The following NOTCH1 variants were observed in gnomAD, a reference collection of about 807,000 sequenced individuals.
NOTCH1 encodes the protein neurogenic locus notch homolog protein 1.
A neutral mutation model predicts 254.8 loss-of-function variants in NOTCH1; 37 were observed. The ratio of observed to expected loss-of-function variants is 0.15; its 90% CI spans 0.11 to 0.19. NOTCH1 has a LOEUF of 0.19. Ranked by LOEUF, NOTCH1 falls within the 10% of genes least tolerant of loss-of-function variation. The pLI, the probability that NOTCH1 is intolerant of heterozygous loss-of-function variation, is 1.00. For missense variants in NOTCH1, 2,972 were observed against 3,708.6 expected, an observed-to-expected ratio of 0.80 and a Z score of 5.16; for synonymous variants, 1,731 against 1,618.1, an observed-to-expected ratio of 1.07 and a Z score of -1.68.
At chr9:136,533,280 C>CAGG (rs1843589939) in intron 2 of NOTCH1, among the ~76,000 whole-genome samples, 1 of 45,900 alleles carries the variant, frequency 2.2e-5, no homozygotes, top group African/African-American at 1.2e-4. Context: ...CTGGCCCAGC[C>CAGG]CCCTCCGCGC....
At chr9:136,528,385 G>A (rs1345403267) in intron 2 of NOTCH1, among the ~76,000 whole-genome samples, 6 of 133,802 alleles carry the variant, frequency 4.5e-5, no homozygotes, top group Admixed American at 1.4e-4. Context: ...AGGATGGGCA[G>A]GGACAGTGGG....
rs575768444 is a variant in NOTCH1, at chr9:136,527,769, G to A, written c.141-3790C>T. On this transcript the variant is annotated intron_variant, in intron 2 of 33. Transcript: ENST00000651671. ...CATCCCCCACGCTCAGTGGCCTGGCGGCGCTGGGGTAACCTGTCCTATCTG... is the reference window on the plus strand; with the variant it reads ...CATCCCCCACGCTCAGTGGCCTGGCAGCGCTGGGGTAACCTGTCCTATCTG... 1.4e-4 allele frequency among the ~76,000 whole-genome samples: 21 copies of A among 152,328 alleles called. 1 individual carries two copies. In the South Asian group the frequency reaches 4.1e-3, roughly 30 times the overall value.
chr9:136,500,680 C>T lies in NOTCH1; in HGVS notation c.5806G>A (p.Ala1936Thr), dbSNP rs997320046. The stretch of plus-strand genomic sequence containing the variant: ...GCGGCATCAGAGCGTGAGTAGCGGG[C>T]GGCCAGGTGCAAGGCGGTCTCGCCC... ...RTGETALHLA[A>T]RYSRSDAAKR... Residue 1936 changes from alanine to threonine, a missense_variant, in exon 31 of 34, where the codon GCC becomes ACC. Ala to Thr is a moderately conservative substitution (Grantham distance 58, BLOSUM62 0). Coordinates refer to ENST00000651671, the MANE Select transcript of NOTCH1 (RefSeq NM_017617.5). 2.5e-6 allele frequency: 4 copies of T among 1,611,268 alleles called. No individual in the cohort carries two copies. Among genetic ancestry groups the T allele is most frequent in the East Asian group, 2.2e-5 (1 of 44,884 alleles).
chr9:136,539,682 G>A (rs1027308128), intron 2 of NOTCH1, among the ~76,000 whole-genome samples: 19 of 152,184 alleles, frequency 1.2e-4, no homozygotes, highest in Admixed American at 3.3e-4. Flanking sequence ...TAACCCTGGC[G>A]CCCTTGAAGA....
Position 136,496,745 on chromosome 9 carries a change from G to T in NOTCH1, c.6994C>A (p.Pro2332Thr). The change falls in exon 34 of 34, where the codon CCA becomes ACA. Residue 2332 changes from proline to threonine, a missense_variant. This residue lies in a region of NOTCH1 where 529 missense variants were observed against 529.2 expected (regional missense o/e 1.00). Coordinates refer to ENST00000651671, the MANE Select transcript of NOTCH1 (RefSeq NM_017617.5). ...QYNPLRGSVA[P>T]GPLSTQAPSL... ...GGGGCCTGTGTGCTCAGGGGGCCTG[G>T]TGCCACACTCCCCCGCAGAGGGTTG... 6.2e-7 allele frequency: 1 copy of T among 1,612,816 alleles called. No individual in the cohort carries two copies.
chr9:136,506,409 G>T lies in NOTCH1; in HGVS notation c.4014+118C>A. ...AAAAAAAAAAAAAAGACATCAGGGT[G>T]AGGAGGAGGATGAAGGCCGGGAGGA... is the stretch of plus-strand genomic sequence containing the variant. On this transcript the variant is annotated intron_variant, in intron 24 of 33. Transcript: ENST00000651671. The surrounding 1 kb of genome is among the most constrained non-coding windows in gnomAD (Gnocchi z 4.5). 2 of 737,066 alleles carry T rather than the reference G, an allele frequency of 2.7e-6. No homozygotes were observed. The highest frequency in any genetic ancestry group is 4.5e-6 in the Non-Finnish European group (2 of 443,498). 45.7% of individuals were successfully genotyped at this position (737,066 alleles called of 1,614,324 possible).
At chr9:136,538,969 C>T (rs1843694282) in intron 2 of NOTCH1, among the ~76,000 whole-genome samples, 2 of 152,218 alleles carry the variant, frequency 1.3e-5, no homozygotes, top group East Asian at 1.9e-4. Context: ...TCCCTCGGCC[C>T]GGCCTGGAAC....
intron 2 of NOTCH1, among the ~76,000 whole-genome samples, chr9:136,533,695 AAT>A (rs1843598370): frequency 6.6e-6 from 1 of 152,234 alleles, no homozygotes; most frequent in Non-Finnish European, 1.5e-5. Context: ...TGGGTGGGGC[AAT>A]GGCACCTCCT....
At chr9:136,518,425 C>G in intron 6 of NOTCH1, 133 bp from the exon 7 acceptor site, 1 of 1,299,208 alleles carries the variant, frequency 7.7e-7, no homozygotes, top group Non-Finnish European at 1.1e-6. Context: ...TCCCGTGACA[C>G]TTGGGACGTT....
intron 2 of NOTCH1, among the ~76,000 whole-genome samples, chr9:136,537,995 G>A (rs1325364671): frequency 1.3e-5 from 2 of 152,136 alleles, no homozygotes; most frequent in African/African-American, 2.4e-5. Context: ...CAGGAGCATC[G>A]CGTGAATCTG....
chr9:136,504,845 T>C lies in NOTCH1; in HGVS notation c.4846A>G (p.Ile1616Val), dbSNP rs2133336438. 2 of 1,580,420 alleles carry C rather than the reference T, an allele frequency of 1.3e-6. No homozygotes were observed. The highest frequency in any genetic ancestry group is 8.6e-7 in the Non-Finnish European group (1 of 1,163,720). The change falls in exon 26 of 34, where the codon ATC becomes GTC. Residue 1616 changes from isoleucine to valine, a missense_variant. Ile to Val is a conservative substitution (Grantham distance 29, BLOSUM62 3). Coordinates refer to ENST00000651671, the MANE Select transcript of NOTCH1 (RefSeq NM_017617.5). ...FKRDAHGQQM[I>V]FPYYGREEEL... Reference sequence around the variant, plus strand: ...TCCTCGCGGCCGTAGTAGGGGAAGATCATCTGCTGGCCGTGTGCGTCACGC... The same window carrying C: ...TCCTCGCGGCCGTAGTAGGGGAAGACCATCTGCTGGCCGTGTGCGTCACGC...
rs199892488 is a variant in NOTCH1 at position 136,508,359 on chromosome 9, C to A, written c.3198G>T (p.Ser1066=). The A allele has an allele frequency of 6.2e-7, 1 of 1,613,214 alleles. No individual in the cohort carries two copies. Among genetic ancestry groups the A allele is most frequent in the South Asian group, 1.1e-5 (1 of 91,090 alleles). ...AGCATTTGCCGCCGTTCTTGCAGGG[C>A]GAGGAGTCACACCAGTGCACAAGGT... The part of the protein sequence containing the change: ...CQNLVHWCDS[S]PCKNGGKCWQ... The change falls in exon 20 of 34, where the codon TCG becomes TCT. Residue 1066 remains serine, a synonymous_variant. Coordinates refer to ENST00000651671, the MANE Select transcript of NOTCH1 (RefSeq NM_017617.5).
chr9:136,496,667 C>A lies in NOTCH1; in HGVS notation c.7072G>T (p.Ala2358Ser), dbSNP rs780869345. ...GPLHSSLAAS[A>S]LSQMMSYQGL... ...TGGTAGCTCATCATCTGGGACAGGG[C>A]GCTGGCAGCAAGGCTACTGTGCAGC... Residue 2358 changes from alanine (A) to serine (S), a missense_variant, in exon 34 of 34, where the codon GCC (alanine) becomes TCC (serine). Around this residue, in one of 8 missense-constraint regions of NOTCH1, gnomAD observed 529 missense variants for 529.2 expected, o/e 1.00. Coordinates refer to ENST00000651671, the MANE Select transcript of NOTCH1 (RefSeq NM_017617.5). The A allele has an allele frequency of 6.2e-7, 1 of 1,612,892 alleles. No homozygotes were observed. Among genetic ancestry groups the A allele is most frequent in the Non-Finnish European group, 8.5e-7 (1 of 1,179,930 alleles).
Position 136,494,573 on chromosome 9 carries a change from C to T in NOTCH1, c.*1498G>A, listed in dbSNP as rs1047278455. On this transcript the variant is annotated 3_prime_UTR_variant, in exon 34 of 34. Transcript: ENST00000651671. ...AAACTACACTCTATTTTATAAAACACAGTAAAAATCAACATCTTGGGACGC... is the reference window on the plus strand; with the variant it reads ...AAACTACACTCTATTTTATAAAACATAGTAAAAATCAACATCTTGGGACGC... 1.0e-5 allele frequency: 4 copies of T among 399,020 alleles called. No individual in the cohort carries two copies. Among genetic ancestry groups the T allele is most frequent in the East Asian group, 7.1e-5 (2 of 28,222 alleles). 24.7% of individuals were successfully genotyped at this position (399,020 alleles called of 1,614,324 possible). A position where few individuals can be genotyped will look rare whatever the true frequency, so the allele number is the denominator to read the frequency against.
At position 136,507,395 on chromosome 9, in the gene NOTCH1, C is replaced by T. The variant is rs548083258; in HGVS notation, c.3553G>A (p.Asp1185Asn). 3.5e-4 allele frequency: 563 copies of T among 1,611,584 alleles called. 4 individuals carry two copies. In the East Asian group the frequency reaches 0.012, roughly 35 times the overall value. The stretch of plus-strand genomic sequence containing the variant: ...TGGCAGGGGTGGGAGAGGCACTCGT[C>T]GATCTCCTCAGAGCAGTTCACCCCG... The part of the protein sequence containing the change: ...YHGVNCSEEI[D>N]ECLSHPCQNG... The change falls in exon 22 of 34, where the codon GAC becomes AAC. Residue 1185 changes from aspartate to asparagine, a missense_variant. Physicochemically the swap from Asp to Asn is conservative, Grantham distance 23 (BLOSUM62 1). Coordinates refer to ENST00000651671, the MANE Select transcript of NOTCH1 (RefSeq NM_017617.5).
At chr9:136,519,721 C>G in intron 4 of NOTCH1, 156 bp from the exon 5 acceptor site, 1 of 980,424 alleles carries the variant, frequency 1.0e-6, no homozygotes, top group Non-Finnish European at 1.6e-6. Flanking sequence ...CACTCCAGTG[C>G]CCAGAGGGAC....
chr9:136,508,768 C>T (rs1213765168), intron 19 of NOTCH1, 102 bp downstream of exon 19: 161 of 1,227,412 alleles, frequency 1.3e-4, no homozygotes, highest in Non-Finnish European at 1.6e-4. Flanking sequence ...GGGGTGACCC[C>T]GAGCCGACAC....
At chr9:136,512,804 C>T (rs1272058291) in intron 15 of NOTCH1, among the ~76,000 whole-genome samples, 1 of 152,174 alleles carries the variant, frequency 6.6e-6, no homozygotes, top group Non-Finnish European at 1.5e-5. Flanking sequence ...AGAAGGCCCA[C>T]ATACTGCAGG....
Position 136,544,037 on chromosome 9 carries a change from T to A in NOTCH1, c.127A>T (p.Thr43Ser), listed in dbSNP as rs753523233. ...GGTGGTACTCACACGCAGGCCTCCG[T>A]GCCATTGGCCGCTTCACACTTCCCG... is the stretch of plus-strand genomic sequence containing the variant. Reference protein sequence around the residue: ...NGGKCEAANGTEACVCGGAFV... With the variant: ...NGGKCEAANGSEACVCGGAFV... The change falls in exon 2 of 34, where the codon ACG becomes TCG. Residue 43 changes from threonine to serine, a missense_variant. By Grantham distance (58) the Thr-to-Ser change is moderately conservative. Coordinates refer to ENST00000651671, the MANE Select transcript of NOTCH1 (RefSeq NM_017617.5). 5.3e-5 allele frequency: 83 copies of A among 1,573,960 alleles called. No homozygotes were observed.
Sources: gnomAD v4.1 joint callset for allele counts (sites outside exome capture counted in the v4.1 genomes callset) on GRCh38, gnomAD v4.1.1 for gene constraint, gnomAD v4.1.1 regional missense constraint, Gnocchi (gnomAD v3.1) non-coding constraint, MANE v1.5 for transcripts, NCBI Gene and HGNC (gene_info 2026-07-23, HGNC 2026-07-21) for gene names.